The following NUP210L variants were observed in gnomAD, a reference collection of about 807,000 sequenced individuals.
The protein encoded by NUP210L is nucleoporin 210 like, also known as nuclear pore membrane glycoprotein 210-like.
Under a neutral mutation model 208.5 loss-of-function variants are expected in NUP210L, and 74 were observed. That is an observed-to-expected ratio of 0.35 (90% CI 0.29 to 0.43). The LOEUF (loss-of-function observed/expected upper bound fraction) is 0.43. Among genes scored for constraint, NUP210L ranks in the 20% least tolerant of loss-of-function variants. The pLI is 1.00. For missense variants in NUP210L, 1,843 were observed against 2,289.4 expected (o/e 0.81, Z 3.98); for synonymous variants, 780 against 816.9 (o/e 0.95, Z 0.77).
At chr1:154,058,659 T>A (rs1267578649) in exon 21 of NUP210L, 3 of 1,613,642 alleles carry the variant, frequency 1.9e-6, no homozygotes, top group Non-Finnish European at 2.5e-6. Context: ...ATCATAGACC[T>A]CCAAGGTAAA....
At chr1:154,061,189 C>T in intron 18 of NUP210L, 143 bp from the exon 19 acceptor site, 2 of 571,658 alleles carry the variant, frequency 3.5e-6, no homozygotes, top group South Asian at 2.2e-5. Flanking sequence ...ACCAGCTTGG[C>T]TAACATGGTG....
intron 34 of NUP210L, among the ~76,000 whole-genome samples, chr1:154,010,554 T>C (rs759680922): frequency 9.2e-5 from 14 of 151,954 alleles, no homozygotes; most frequent in South Asian, 4.1e-4. Context: ...GGGAGTAAGA[T>C]AGATTACAGG....
chr1:154,018,914 C>T lies in NUP210L; in HGVS notation c.4653+19G>A, dbSNP rs951418824. 11 of 1,613,322 alleles carry T rather than the reference C, an allele frequency of 6.8e-6. No individual in the cohort carries two copies. The highest frequency in any genetic ancestry group is 2.7e-5 in the African/African-American group (2 of 74,916). On this transcript the variant is annotated intron_variant, in intron 33 of 39. Coordinates refer to ENST00000368559, the Ensembl canonical transcript of NUP210L. The stretch of plus-strand genomic sequence containing the variant: ...AATAGTCACCCTAGTCTCTTAAACT[C>T]TGATACAGTTATGTTTACCTCTCGA...
intron 35 of NUP210L, among the ~76,000 whole-genome samples, chr1:154,008,490 C>T (rs998692227): frequency 9.9e-5 from 15 of 152,058 alleles, no homozygotes; most frequent in East Asian, 5.8e-4. Flanking sequence ...AGGCGGATCA[C>T]GAGGTCAGGA....
chr1:154,111,042 T>C (rs1277362178), intron 12 of NUP210L, among the ~76,000 whole-genome samples: 2 of 150,074 alleles, frequency 1.3e-5, no homozygotes, highest in Non-Finnish European at 2.9e-5. Context: ...GACAAACCTT[T>C]AGCCAGACTA....
chr1:154,140,904 G>A (rs963330208), intron 4 of NUP210L, among the ~76,000 whole-genome samples: 2 of 149,814 alleles, frequency 1.3e-5, no homozygotes, highest in Admixed American at 1.3e-4. Context: ...TGAGGCAGGA[G>A]AATGGCGTGA....
chr1:154,012,032 A>G (rs552031018), intron 34 of NUP210L, among the ~76,000 whole-genome samples: 2 of 152,236 alleles, frequency 1.3e-5, no homozygotes, highest in South Asian at 4.1e-4. Flanking sequence ...TTTTAAAACT[A>G]GAAAGACAAT....
chr1:154,139,752 A>G (rs751329670), intron 5 of NUP210L, 50 bp downstream of exon 5: 32 of 1,464,712 alleles, frequency 2.2e-5, no homozygotes, highest in Non-Finnish European at 2.9e-5. Context: ...GAGTTAGACC[A>G]TATCTTGAAA....
intron 17 of NUP210L, 24 bp from the exon 18 acceptor site, chr1:154,061,698 C>A: frequency 7.3e-7 from 1 of 1,361,446 alleles, no homozygotes. Context: ...GAAAAATACC[C>A]TGTGAGAAAC....
intron 20 of NUP210L, among the ~76,000 whole-genome samples, 170 bp from the exon 21 acceptor site, chr1:154,058,863 G>A (rs189116054): frequency 1.3e-5 from 2 of 152,304 alleles, no homozygotes; most frequent in East Asian, 3.9e-4. Flanking sequence ...TACACTTAAT[G>A]TGATGTTTCC....
intron 9 of NUP210L, 29 bp from the exon 10 acceptor site, chr1:154,126,492 C>T: frequency 1.3e-6 from 2 of 1,585,224 alleles, no homozygotes; most frequent in Non-Finnish European, 1.7e-6. Flanking sequence ...GTAACACAAA[C>T]CTGAAGATAT....
At chr1:154,031,218 T>C (rs972851002) in intron 27 of NUP210L, among the ~76,000 whole-genome samples, 4 of 152,064 alleles carry the variant, frequency 2.6e-5, no homozygotes, top group Admixed American at 2.6e-4. Context: ...GTCCCCCAAA[T>C]AGCTGGGATT....
chr1:154,046,760 T>C (rs1397092011), intron 25 of NUP210L, among the ~76,000 whole-genome samples: 1 of 152,142 alleles, frequency 6.6e-6, no homozygotes, highest in Admixed American at 6.5e-5. Context: ...GTTGAACTCA[T>C]GGAGATAAAG....
At chr1:154,152,674 CA>C (rs1389809145) in intron 2 of NUP210L, 61 bp downstream of exon 2, 1 of 1,457,080 alleles carries the variant, frequency 6.9e-7, no homozygotes, top group East Asian at 2.3e-5. Context: ...ACTATCTATA[CA>C]AAATACCAGA....
chr1:154,025,514 G>A, intron 30 of NUP210L, 28 bp downstream of exon 30: 1 of 1,431,708 alleles, frequency 7.0e-7, no homozygotes, highest in South Asian at 1.7e-5. Context: ...TTATTTATTT[G>A]TTTTTTTTAG....
chr1:154,148,423 C>A (rs1313614159), intron 2 of NUP210L, among the ~76,000 whole-genome samples: 1 of 152,134 alleles, frequency 6.6e-6, no homozygotes, highest in Non-Finnish European at 1.5e-5. Context: ...GCAAAGGTTG[C>A]AGTGAGCCCA....
chr1:154,090,295 G>C (rs1444809745), intron 15 of NUP210L, among the ~76,000 whole-genome samples: 1 of 151,888 alleles, frequency 6.6e-6, no homozygotes, highest in Non-Finnish European at 1.5e-5. Flanking sequence ...TTGATAAAAA[G>C]TGAAAAAACT....
At chr1:154,024,494 C>A (rs986971785) in intron 30 of NUP210L, among the ~76,000 whole-genome samples, 1 of 151,944 alleles carries the variant, frequency 6.6e-6, no homozygotes, top group Non-Finnish European at 1.5e-5. Flanking sequence ...TCTCTGAGGT[C>A]TTTTCTCAAT....
exon 9 of NUP210L, chr1:154,127,371 C>T: frequency 6.2e-7 from 1 of 1,608,004 alleles, no homozygotes; most frequent in Non-Finnish European, 8.5e-7. Flanking sequence ...TGACATATAC[C>T]TGTCCCACCT....
Sources: allele counts gnomAD v4.1 joint callset (sites outside exome capture counted in the v4.1 genomes callset), GRCh38; gene constraint gnomAD v4.1.1; transcripts MANE v1.5; gene names NCBI Gene and HGNC (gene_info 2026-07-23, HGNC 2026-07-21).